The following KIF13A variants were observed in gnomAD, a reference collection of about 807,000 sequenced individuals.
The protein encoded by KIF13A is kinesin-like protein KIF13A.
KIF13A carries 79 observed loss-of-function variants against 212.2 expected under a neutral mutation model. That is an observed-to-expected ratio of 0.37 (90% confidence interval 0.31 to 0.45). The LOEUF (loss-of-function observed/expected upper bound fraction) is 0.45. Ranked by LOEUF, KIF13A falls within the 20% of genes least tolerant of loss-of-function variation. The pLI is 1.00. For synonymous variants in KIF13A, 789 were observed against 808.6 expected, an observed-to-expected ratio of 0.98 and a Z score of 0.41; for missense variants, 1,901 against 2,209.0, an observed-to-expected ratio of 0.86 and a Z score of 2.79.
rs1761144086 is a variant in KIF13A, at chr6:17,787,350, A to G, written c.3361+426T>C. Among the ~76,000 whole-genome samples, 1 of 152,206 alleles carries G rather than the reference A, an allele frequency of 6.6e-6. No individual in the cohort carries two copies. The highest frequency in any genetic ancestry group is 2.1e-4 in the South Asian group (1 of 4,830). On this transcript the variant is annotated intron_variant, in intron 27 of 38. Transcript: ENST00000259711. This position sits in a 1 kb window ranked among gnomAD's most constrained non-coding sequence, Gnocchi z 4.6. ...TGATTGACTGATGTCTATAATTGTT[A>G]CAAGTTCACAAAACTAAACAGGCTG...
chr6:17,828,164 A>C lies in KIF13A; in HGVS notation c.1532+76T>G. The C allele has an allele frequency of 6.8e-7, 1 of 1,466,292 alleles. No individual in the cohort carries two copies. The highest frequency in any genetic ancestry group is 1.8e-4 in the Middle Eastern group (1 of 5,650). 90.8% of individuals were successfully genotyped at this position (1,466,292 alleles called of 1,614,324 possible). A position where few individuals can be genotyped will look rare whatever the true frequency, so the allele number is the denominator to read the frequency against. On this transcript the variant is annotated intron_variant, in intron 14 of 38. Transcript: ENST00000259711. The surrounding 1 kb of genome is among the most constrained non-coding windows in gnomAD (Gnocchi z 4.3). ...CCTTAACTTTAATATAGCTGAAAGC[A>C]AACAGAAAGAGGCAGCCTTCTCCTT... is the stretch of plus-strand genomic sequence containing the variant.
chr6:17,861,803 T>C (rs77078504), intron 4 of KIF13A, among the ~76,000 whole-genome samples: 12,495 of 152,288 alleles, frequency 0.082, 614 homozygotes, highest in Non-Finnish European at 0.11. Context: ...GTCTATCTTA[T>C]ATGTTATAAA....
chr6:17,950,089 A>G (rs929122080), intron 2 of KIF13A, among the ~76,000 whole-genome samples: 3 of 152,172 alleles, frequency 2.0e-5, no homozygotes, highest in Non-Finnish European at 4.4e-5. Context: ...TACTGACCCA[A>G]ATAGTTTTCC....
chr6:17,923,253 G>A (rs1775233321), intron 2 of KIF13A, among the ~76,000 whole-genome samples: 1 of 149,956 alleles, frequency 6.7e-6, no homozygotes, highest in Non-Finnish European at 1.5e-5. Flanking sequence ...CAGCCTAGGC[G>A]ATGGGATTGA....
chr6:17,955,343 T>C (rs533897675), intron 2 of KIF13A, among the ~76,000 whole-genome samples: 1 of 152,108 alleles, frequency 6.6e-6, no homozygotes, highest in South Asian at 2.1e-4. Context: ...ACAAACTCTA[T>C]TCTACCAATT....
At position 17,785,269 on chromosome 6, in the gene KIF13A, G is replaced by T. The variant is rs1250321689; in HGVS notation, c.3488+246C>A. The stretch of plus-strand genomic sequence containing the variant: ...CAATGTCCAAGTTGCTTATGCAGAG[G>T]AACAGAGGAGTGGTATGTGATTCCT... On this transcript the variant is annotated intron_variant, in intron 28 of 38. Coordinates refer to ENST00000259711, the MANE Select transcript of KIF13A (RefSeq NM_022113.6). The surrounding 1 kb of genome is among the most constrained non-coding windows in gnomAD (Gnocchi z 5.8). Among the ~76,000 whole-genome samples, 1 of 152,138 alleles carries T rather than the reference G, an allele frequency of 6.6e-6. No individual in the cohort carries two copies. The highest frequency in any genetic ancestry group is 1.9e-4 in the East Asian group (1 of 5,198).
chr6:17,800,374 G>A (rs1213842647), intron 20 of KIF13A, among the ~76,000 whole-genome samples: 1 of 151,346 alleles, frequency 6.6e-6, no homozygotes, highest in African/African-American at 2.4e-5. Flanking sequence ...TCCTTCCAAA[G>A]GACAGCCCAG....
rs1263851463 is a variant in KIF13A at position 17,898,963 on chromosome 6, A to AT, written c.147-784dup. On this transcript the variant is annotated intron_variant, in intron 2 of 38. Coordinates refer to ENST00000259711, the MANE Select transcript of KIF13A (RefSeq NM_022113.6). The surrounding 1 kb of genome is among the most constrained non-coding windows in gnomAD (Gnocchi z 5.2). Reference sequence around the variant, plus strand: ...TGATCCTCCTACCTCAGCCTCCCACATAACTAGGACTATAGGTGTGTGCCA... The same window carrying AT: ...TGATCCTCCTACCTCAGCCTCCCACATTAACTAGGACTATAGGTGTGTGCCA... 6.6e-6 allele frequency among the ~76,000 whole-genome samples: 1 copy of AT among 152,076 alleles called. No homozygotes were observed. The highest frequency in any genetic ancestry group is 1.5e-5 in the Non-Finnish European group (1 of 68,020).
At chr6:17,797,654 G>A (rs570429744) in intron 22 of KIF13A, among the ~76,000 whole-genome samples, 21 of 152,120 alleles carry the variant, frequency 1.4e-4, no homozygotes, top group Non-Finnish European at 2.9e-4. Context: ...CCAGCACTTC[G>A]GGAGGCCAAG....
In KIF13A at chr6:17,982,867, G is replaced by GAT. The variant is rs1781208046; in HGVS notation, c.146+4185_146+4186dup. Reference sequence around the variant, plus strand: ...AAGAATGAGTAAGTCTTAATATGCTGATATTGAAAGATACCAAAGGGGGCC... The same window carrying GAT: ...AAGAATGAGTAAGTCTTAATATGCTGATATATTGAAAGATACCAAAGGGGGCC... On this transcript the variant is annotated intron_variant, in intron 2 of 38. Transcript: ENST00000259711. This position sits in a 1 kb window ranked among gnomAD's most constrained non-coding sequence, Gnocchi z 5.1. Among the ~76,000 whole-genome samples the GAT allele has an allele frequency of 6.6e-6, 1 of 152,082 alleles. No homozygotes were observed. Among genetic ancestry groups the GAT allele is most frequent in the Non-Finnish European group, 1.5e-5 (1 of 68,018 alleles).
At chr6:17,943,068 C>T (rs912130225) in intron 2 of KIF13A, among the ~76,000 whole-genome samples, 2 of 152,090 alleles carry the variant, frequency 1.3e-5, no homozygotes, top group Admixed American at 6.6e-5. Flanking sequence ...TACCTTTAAA[C>T]GTTTTTACAT....
chr6:17,766,683 T>C (rs983521836), intron 38 of KIF13A, among the ~76,000 whole-genome samples: 5 of 152,102 alleles, frequency 3.3e-5, no homozygotes, highest in African/African-American at 2.4e-5. Context: ...GCCTCCTGAG[T>C]AGCTGGGATT....
Position 17,783,556 on chromosome 6 carries a change from G to A in KIF13A, c.3544+90C>T, listed in dbSNP as rs1230301223. The A allele has an allele frequency of 1.1e-6, 1 of 889,118 alleles. No homozygotes were observed. The highest frequency in any genetic ancestry group is 1.8e-6 in the Non-Finnish European group (1 of 551,828). 55.1% of individuals were successfully genotyped at this position (889,118 alleles called of 1,614,324 possible). A position where few individuals can be genotyped will look rare whatever the true frequency, so the allele number is the denominator to read the frequency against. ...ATTTGGCACATGAATGATTAGAAGA[G>A]TGATTTAAGGATCAAAATAATGTGA... On this transcript the variant is annotated intron_variant, in intron 29 of 38. Transcript: ENST00000259711. The surrounding 1 kb of genome is among the most constrained non-coding windows in gnomAD (Gnocchi z 4.3).
intron 4 of KIF13A, among the ~76,000 whole-genome samples, chr6:17,859,319 T>C (rs1316735519): frequency 6.6e-6 from 1 of 151,348 alleles, no homozygotes; most frequent in Non-Finnish European, 1.5e-5. Context: ...AATACAAGAG[T>C]AGGCCAAGCA....
Position 17,772,183 on chromosome 6 carries a change from T to C in KIF13A, c.4325-124A>G. The C allele has an allele frequency of 1.1e-6, 1 of 912,370 alleles. No homozygotes were observed. The highest frequency in any genetic ancestry group is 1.7e-6 in the Non-Finnish European group (1 of 599,476). 56.5% of individuals were successfully genotyped at this position (912,370 alleles called of 1,614,324 possible). On this transcript the variant is annotated intron_variant, in intron 36 of 38. Transcript: ENST00000259711. This position sits in a 1 kb window ranked among gnomAD's most constrained non-coding sequence, Gnocchi z 4.8. The stretch of plus-strand genomic sequence containing the variant: ...ACAATGAAATTCATAGGCTAATATT[T>C]GGCTAAGCATTAAAACAGATGTATG...
chr6:17,947,397 G>A lies in KIF13A; in HGVS notation c.146+39657C>T, dbSNP rs1346842985. Among the ~76,000 whole-genome samples the A allele has an allele frequency of 3.9e-5, 6 of 152,132 alleles. No homozygotes were observed. The highest frequency in any genetic ancestry group is 7.3e-5 in the Non-Finnish European group (5 of 68,032). On this transcript the variant is annotated intron_variant, in intron 2 of 38. Coordinates refer to ENST00000259711, the MANE Select transcript of KIF13A (RefSeq NM_022113.6). The surrounding 1 kb of genome is among the most constrained non-coding windows in gnomAD (Gnocchi z 4.6). Reference sequence around the variant, plus strand: ...TATTTTTAAAAGATCAACATAAGGAGAATAAACTTATTTTAGCAAAATTTG... The same window carrying A: ...TATTTTTAAAAGATCAACATAAGGAAAATAAACTTATTTTAGCAAAATTTG...
chr6:17,820,648 T>A (rs75827754), intron 16 of KIF13A, among the ~76,000 whole-genome samples: 1 of 152,228 alleles, frequency 6.6e-6, no homozygotes, highest in Non-Finnish European at 1.5e-5. Flanking sequence ...TTGAATGAAC[T>A]GTTTTAAATA....
chr6:17,799,462 T>C lies in KIF13A; in HGVS notation c.2617-23A>G. Reference sequence around the variant, plus strand: ...TACCTGAAGAGATAAACAATACAAATAAAACTCCAATGAACACTAAACATT... The same window carrying C: ...TACCTGAAGAGATAAACAATACAAACAAAACTCCAATGAACACTAAACATT... On this transcript the variant is annotated intron_variant, in intron 21 of 38. Transcript: ENST00000259711. The surrounding 1 kb of genome is among the most constrained non-coding windows in gnomAD (Gnocchi z 4.4). The C allele has an allele frequency of 6.7e-7, 1 of 1,483,774 alleles. No individual in the cohort carries two copies. Among genetic ancestry groups the C allele is most frequent in the Non-Finnish European group, 9.0e-7 (1 of 1,109,078 alleles). 91.9% of individuals were successfully genotyped at this position (1,483,774 alleles called of 1,614,324 possible).
intron 9 of KIF13A, among the ~76,000 whole-genome samples, chr6:17,848,987 G>A (rs1459336761): frequency 6.6e-6 from 1 of 152,018 alleles, no homozygotes; most frequent in Non-Finnish European, 1.5e-5. Flanking sequence ...GTGCAATCTT[G>A]ATTCACTGCA....
Sources: gnomAD v4.1 joint callset for allele counts (sites outside exome capture counted in the v4.1 genomes callset) on GRCh38, gnomAD v4.1.1 for gene constraint, Gnocchi (gnomAD v3.1) non-coding constraint, MANE v1.5 for transcripts, NCBI Gene and HGNC (gene_info 2026-07-23, HGNC 2026-07-21) for gene names.